Variants in SGF29 observed in about 807,000 individuals in gnomAD.
SGF29 encodes the protein SAGA complex associated factor 29.
SGF29 carries 15 observed loss-of-function variants against 38.1 expected under a neutral mutation model. The ratio of observed to expected loss-of-function variants is 0.39; its 90% CI spans 0.26 to 0.61. The LOEUF (loss-of-function observed/expected upper bound fraction) is 0.61. SGF29 is among the 20% of genes least tolerant of loss of function. SGF29 has a pLI of 0.49. For synonymous variants in SGF29, 151 were observed against 160.8 expected, an observed-to-expected ratio of 0.94 and a Z score of 0.46; for missense variants, 184 against 394.6, an observed-to-expected ratio of 0.47 and a Z score of 4.52.
intron 1 of SGF29, among the ~76,000 whole-genome samples, chr16:28,575,500 G>A (rs1453977275): frequency 1.3e-5 from 2 of 152,110 alleles, no homozygotes; most frequent in Non-Finnish European, 2.9e-5. Context: ...GGTCAACATG[G>A]TGAAACCCTG....
At chr16:28,564,753 ATGTATATATG>A (rs1567286148) in intron 1 of SGF29, among the ~76,000 whole-genome samples, 8 of 75,376 alleles carry the variant, frequency 1.1e-4, no homozygotes, top group African/African-American at 3.7e-4. Context: ...ATGTATATAT[ATGTATATATG>A]TATATATATG....
chr16:28,579,007 G>T (rs1284895797), intron 1 of SGF29, among the ~76,000 whole-genome samples: 1 of 151,990 alleles, frequency 6.6e-6, no homozygotes, highest in Non-Finnish European at 1.5e-5. Context: ...GGCTGATCTC[G>T]AGCTCCTGGA....
At chr16:28,585,518 G>T in intron 3 of SGF29, 130 bp from the exon 4 acceptor site, 1 of 819,772 alleles carries the variant, frequency 1.2e-6, no homozygotes. Context: ...GCACTCCTGA[G>T]CCAGCAGAGC....
At chr16:28,573,672 CTG>C (rs1378284023) in intron 1 of SGF29, among the ~76,000 whole-genome samples, 1 of 152,132 alleles carries the variant, frequency 6.6e-6, no homozygotes, top group Non-Finnish European at 1.5e-5. Context: ...CAAATGAAGA[CTG>C]TTTTTCCCTC....
Position 28,590,737 on chromosome 16 carries a change from C to T in SGF29, c.603-36C>T. On this transcript the variant is annotated intron_variant, in intron 8 of 9. Transcript: ENST00000317058. This position sits in a 1 kb window ranked among gnomAD's most constrained non-coding sequence, Gnocchi z 8.2. ...AACAGCTGAGAAGGAGCATCCCCAC[C>T]CGGCCACAGGTTGATATAAGCCCCT... 6.2e-7 allele frequency: 1 copy of T among 1,614,064 alleles called. No homozygotes were observed. The highest frequency in any genetic ancestry group is 8.5e-7 in the Non-Finnish European group (1 of 1,179,974).
Position 28,569,047 on chromosome 16 carries a change from C to A in SGF29, c.-15-12008C>A, listed in dbSNP as rs2046849984. Among the ~76,000 whole-genome samples the A allele has an allele frequency of 2.6e-5, 4 of 152,236 alleles. No individual in the cohort carries two copies. The South Asian group carries it at 8.3e-4, about 32-fold the overall frequency. On this transcript the variant is annotated intron_variant, in intron 1 of 9. Coordinates refer to ENST00000317058, the MANE Select transcript of SGF29 (RefSeq NM_138414.3). ...AGTTTGCAGTGAGCCGAGATCACAC[C>A]ATTACACTCCAGCCTGGGCAACAAG... is the stretch of plus-strand genomic sequence containing the variant.
chr16:28,589,949 C>A, intron 5 of SGF29, 147 bp from the exon 6 acceptor site: 1 of 1,154,406 alleles, frequency 8.7e-7, no homozygotes, highest in Non-Finnish European at 1.2e-6. Context: ...TGACACATGG[C>A]CGATGGGGTC....
intron 1 of SGF29, among the ~76,000 whole-genome samples, chr16:28,561,298 T>C (rs2046788130): frequency 6.6e-6 from 1 of 152,006 alleles, no homozygotes; most frequent in South Asian, 2.1e-4. Context: ...TTTGGGAGGC[T>C]GAGGCAGGCA....
chr16:28,590,305 C>A lies in SGF29; in HGVS notation c.429C>A (p.Pro143=), dbSNP rs774868371. Residue 143 remains proline, a synonymous_variant, in exon 7 of 10, where the codon CCC becomes CCA. Coordinates refer to ENST00000317058, the MANE Select transcript of SGF29 (RefSeq NM_138414.3). This position sits in a 1 kb window ranked among gnomAD's most constrained non-coding sequence, Gnocchi z 8.2. ...TTTGTTCCACTCACAGGCCCCCACC[C>A]CTCTGTGGGGCCATCCCTGCCTCAG... ...WIGKPGDKPP[P]LCGAIPASGD... is the part of the protein sequence containing the mutation. 5 of 1,610,448 alleles carry A rather than the reference C, an allele frequency of 3.1e-6. No homozygotes were observed. The South Asian group carries it at 5.5e-5, about 18-fold the overall frequency.
chr16:28,590,335 C>T lies in SGF29; in HGVS notation c.459C>T (p.Asp153=). 1 of 1,613,052 alleles carries T rather than the reference C, an allele frequency of 6.2e-7. No individual in the cohort carries two copies. The highest frequency in any genetic ancestry group is 8.5e-7 in the Non-Finnish European group (1 of 1,179,524). ...GTGGGGCCATCCCTGCCTCAGGAGA[C>T]TACGTGGCCAGACCTGGAGACAAGG... is the stretch of plus-strand genomic sequence containing the variant. The part of the protein sequence containing the change: ...PLCGAIPASG[D]YVARPGDKVA... Residue 153 remains aspartate, a synonymous_variant, in exon 7 of 10, where the codon GAC becomes GAT. Transcript: ENST00000317058. The surrounding 1 kb of genome is among the most constrained non-coding windows in gnomAD (Gnocchi z 8.2).
At chr16:28,591,285 G>T (rs1278462049) in intron 9 of SGF29, among the ~76,000 whole-genome samples, 1 of 152,170 alleles carries the variant, frequency 6.6e-6, no homozygotes, top group Non-Finnish European at 1.5e-5. Flanking sequence ...CCTCTGGGTT[G>T]CCCTCAGTCC....
intron 5 of SGF29, chr16:28,589,506 G>A (rs368827910): frequency 7.9e-5 from 21 of 266,514 alleles, no homozygotes; most frequent in African/African-American, 1.5e-4. Flanking sequence ...GCTGTGTGTC[G>A]TAAAGCCAGC....
chr16:28,563,496 A>G (rs1042546510), intron 1 of SGF29, among the ~76,000 whole-genome samples: 1 of 152,138 alleles, frequency 6.6e-6, no homozygotes, highest in African/African-American at 2.4e-5. Flanking sequence ...TTGTGTGTCT[A>G]TCTGTGTGTC....
At chr16:28,580,435 G>C (rs547392855) in intron 1 of SGF29, among the ~76,000 whole-genome samples, 1 of 152,258 alleles carries the variant, frequency 6.6e-6, no homozygotes, top group Non-Finnish European at 1.5e-5. Context: ...CTTAGACGGG[G>C]CCGTTACTCC....
chr16:28,562,212 C>T (rs1404707109), intron 1 of SGF29, among the ~76,000 whole-genome samples: 1 of 152,148 alleles, frequency 6.6e-6, no homozygotes, highest in Non-Finnish European at 1.5e-5. Flanking sequence ...GGGCCACTAG[C>T]GTTCACTAAG....
intron 2 of SGF29, 53 bp from the exon 3 acceptor site, chr16:28,584,860 A>G: frequency 7.4e-7 from 1 of 1,359,606 alleles, no homozygotes; most frequent in African/African-American, 1.4e-5. Flanking sequence ...CTGGCAGGGT[A>G]CCACAGCAGC....
chr16:28,565,077 G>T (rs1038649340), intron 1 of SGF29, among the ~76,000 whole-genome samples: 1 of 151,980 alleles, frequency 6.6e-6, no homozygotes, highest in African/African-American at 2.4e-5. Context: ...GGGGAGAGGA[G>T]GCCAAGTGTC....
chr16:28,590,780 AC>A lies in SGF29; in HGVS notation c.613del (p.Leu205Ter). The A allele has an allele frequency of 6.2e-7, 1 of 1,613,878 alleles. No homozygotes were observed. Among genetic ancestry groups the A allele is most frequent in the Non-Finnish European group, 8.5e-7 (1 of 1,179,944 alleles). ...AAGCCCCTCTTCCCCCAGGAGACAC[AC>A]CCTGAGCCGGCGCCGTGTCATCCCG... ...DIDEEGKERH[T>X]LSRRRVIPLP... On this transcript the variant is annotated frameshift_variant, in exon 9 of 10. Coordinates refer to ENST00000317058, the MANE Select transcript of SGF29 (RefSeq NM_138414.3). LOFTEE classifies it high-confidence loss of function. The surrounding 1 kb of genome is among the most constrained non-coding windows in gnomAD (Gnocchi z 8.2).
At chr16:28,564,387 G>A (rs1377684191) in intron 1 of SGF29, among the ~76,000 whole-genome samples, 1 of 150,954 alleles carries the variant, frequency 6.6e-6, no homozygotes, top group Admixed American at 6.7e-5. Context: ...AGAGGATCCC[G>A]GAGCGATCTT....
Sources: gnomAD v4.1 joint callset for allele counts (sites outside exome capture counted in the v4.1 genomes callset) on GRCh38, gnomAD v4.1.1 for gene constraint, Gnocchi (gnomAD v3.1) non-coding constraint, MANE v1.5 for transcripts, NCBI Gene and HGNC (gene_info 2026-07-23, HGNC 2026-07-21) for gene names.